LMO3: variants seen among roughly 807,000 people sequenced by gnomAD.
The protein encoded by LMO3 is LIM domain only 3, also known as LIM domain only protein 3.
Under a neutral mutation model 15.8 loss-of-function variants are expected in LMO3, and 2 were observed. The ratio of observed to expected loss-of-function variants is 0.13; its 90% CI spans 0.05 to 0.40. The LOEUF is 0.40. Ranked by LOEUF, LMO3 falls within the 10% of genes least tolerant of loss-of-function variation. The pLI is 0.99. For synonymous variants in LMO3, 62 were observed against 63.8 expected (o/e 0.97, Z 0.13); for missense variants, 86 against 182.2 (o/e 0.47, Z 3.04).
Position 16,591,969 on chromosome 12 carries a change from T to C in LMO3, c.206+8686A>G, listed in dbSNP as rs140328033. On this transcript the variant is annotated intron_variant, in intron 2 of 3. Transcript: ENST00000537304. The surrounding 1 kb of genome is among the most constrained non-coding windows in gnomAD (Gnocchi z 4.1). ...TTGGAGTGAAACTCTTTATATATTCTACTTAGTTATTTGACAATAATAGTG... is the reference window on the plus strand; with the variant it reads ...TTGGAGTGAAACTCTTTATATATTCCACTTAGTTATTTGACAATAATAGTG... Among the ~76,000 whole-genome samples the C allele has an allele frequency of 7.3e-3, 1,110 of 152,188 alleles. 9 individuals are homozygous for C. Among genetic ancestry groups the C allele is most frequent in the African/African-American group, 0.025 (1,024 of 41,550 alleles).
In LMO3 at chr12:16,586,887, C is replaced by T. The variant is rs989596465; in HGVS notation, c.206+13768G>A. On this transcript the variant is annotated intron_variant, in intron 2 of 3. Transcript: ENST00000537304. This position sits in a 1 kb window ranked among gnomAD's most constrained non-coding sequence, Gnocchi z 4.3. ...TTTAAAATGGTAAAATTAGACAATA[C>T]GTCTCATCTAAATTCATGGAATTCT... is the stretch of plus-strand genomic sequence containing the variant. Among the ~76,000 whole-genome samples, 2 of 152,126 alleles carry T rather than the reference C, an allele frequency of 1.3e-5. No homozygotes were observed. The highest frequency in any genetic ancestry group is 2.4e-5 in the African/African-American group (1 of 41,416).
chr12:16,566,821 C>A (rs1222393768), intron 2 of LMO3, among the ~76,000 whole-genome samples: 2 of 152,106 alleles, frequency 1.3e-5, no homozygotes, highest in East Asian at 3.8e-4. Flanking sequence ...CATGCACATA[C>A]ACACATAATA....
At chr12:16,574,729 C>A (rs901756189) in intron 2 of LMO3, among the ~76,000 whole-genome samples, 3 of 152,096 alleles carry the variant, frequency 2.0e-5, no homozygotes, top group Non-Finnish European at 2.9e-5. Context: ...GATTTATCGG[C>A]CATTAGAAAA....
intron 3 of LMO3, among the ~76,000 whole-genome samples, chr12:16,553,474 A>AGAGC (rs1411501192): frequency 6.6e-6 from 1 of 152,222 alleles, no homozygotes; most frequent in Non-Finnish European, 1.5e-5. Flanking sequence ...CAACAGAGGC[A>AGAGC]GAGCGAGAGA....
intron 2 of LMO3, among the ~76,000 whole-genome samples, chr12:16,595,676 G>A (rs1431663749): frequency 6.6e-6 from 1 of 151,298 alleles, no homozygotes; most frequent in Non-Finnish European, 1.5e-5. Context: ...CAGTATTTTT[G>A]TAACAGATAT....
chr12:16,592,074 A>T (rs1943510722), intron 2 of LMO3, among the ~76,000 whole-genome samples: 1 of 152,066 alleles, frequency 6.6e-6, no homozygotes, highest in Non-Finnish European at 1.5e-5. Flanking sequence ...TGGATAGCTT[A>T]TTCTTCACAA....
chr12:16,590,019 G>T (rs1005178402), intron 2 of LMO3, among the ~76,000 whole-genome samples: 2 of 152,008 alleles, frequency 1.3e-5, no homozygotes, highest in African/African-American at 2.4e-5. Context: ...AAGATTCAAA[G>T]CACATTTGCA....
intron 1 of LMO3, chr12:16,605,109 C>A (rs978559025): frequency 1.4e-6 from 2 of 1,434,816 alleles, no homozygotes; most frequent in Middle Eastern, 2.5e-4. Context: ...ACAGGGCGCA[C>A]ACACGGAGCC....
chr12:16,600,990 T>C, intron 1 of LMO3, 122 bp from the exon 2 acceptor site: 1 of 731,294 alleles, frequency 1.4e-6, no homozygotes, highest in East Asian at 2.7e-5. Flanking sequence ...TGTTTAGGGC[T>C]ATACTGAAAT....
At position 16,599,740 on chromosome 12, in the gene LMO3, T is replaced by C. The variant is rs1362617140; in HGVS notation, c.206+915A>G. The C allele has an allele frequency of 6.6e-6, 1 of 152,098 alleles. No homozygotes were observed. Among genetic ancestry groups the C allele is most frequent in the African/African-American group, 2.4e-5 (1 of 41,414 alleles). 9.4% of individuals were successfully genotyped at this position (152,098 alleles called of 1,614,324 possible). A position where few individuals can be genotyped will look rare whatever the true frequency, so the allele number is the denominator to read the frequency against. Reference sequence around the variant, plus strand: ...AAAGTTGCCTGAAAAGCAAAATAATTTTCCTTCAGCAGAAATTCTGTGTTG... The same window carrying C: ...AAAGTTGCCTGAAAAGCAAAATAATCTTCCTTCAGCAGAAATTCTGTGTTG... On this transcript the variant is annotated intron_variant, in intron 2 of 3. Coordinates refer to ENST00000537304, the MANE Select transcript of LMO3 (RefSeq NM_018640.5). This position sits in a 1 kb window ranked among gnomAD's most constrained non-coding sequence, Gnocchi z 4.1.
intron 2 of LMO3, among the ~76,000 whole-genome samples, chr12:16,579,119 C>T (rs2137519592): frequency 6.6e-6 from 1 of 152,092 alleles, no homozygotes; most frequent in Middle Eastern, 3.4e-3. Flanking sequence ...CATAAACTTC[C>T]ACAGGGATTT....
intron 1 of LMO3, chr12:16,605,737 G>A (rs1943972862): frequency 6.5e-7 from 1 of 1,532,466 alleles, no homozygotes; most frequent in African/African-American, 1.4e-5. Flanking sequence ...AGTTCATGGT[G>A]AACTTTGACT....
At chr12:16,554,406 T>A (rs1942107879) in intron 3 of LMO3, among the ~76,000 whole-genome samples, 3 of 152,224 alleles carry the variant, frequency 2.0e-5, no homozygotes, top group African/African-American at 7.2e-5. Context: ...TATACTTTCC[T>A]ATTCCACATC....
intron 2 of LMO3, among the ~76,000 whole-genome samples, chr12:16,571,131 T>C (rs1033414765): frequency 1.3e-5 from 2 of 152,142 alleles, no homozygotes; most frequent in Non-Finnish European, 2.9e-5. Flanking sequence ...TAACTACTAA[T>C]GTTTTCTTTT....
chr12:16,558,467 T>A (rs1942272181), intron 3 of LMO3, among the ~76,000 whole-genome samples: 1 of 152,112 alleles, frequency 6.6e-6, no homozygotes, highest in African/African-American at 2.4e-5. Flanking sequence ...CTAAGACACC[T>A]TTAAAATGTA....
chr12:16,589,667 CCAAG>C lies in LMO3; in HGVS notation c.206+10984_206+10987del, dbSNP rs1464884149. Reference sequence around the variant, plus strand: ...AAGATTATTTCAGATTATTTAAACACCAAGCAAACTATCAGGTCAAGATCAAGCA... The same window carrying C: ...AAGATTATTTCAGATTATTTAAACACCAAACTATCAGGTCAAGATCAAGCA... On this transcript the variant is annotated intron_variant, in intron 2 of 3. Transcript: ENST00000537304. The surrounding 1 kb of genome is among the most constrained non-coding windows in gnomAD (Gnocchi z 4.2). 26 of 151,942 alleles carry C rather than the reference CCAAG, an allele frequency of 1.7e-4. No homozygotes were observed. The highest frequency in any genetic ancestry group is 6.3e-4 in the African/African-American group (26 of 41,368). 9.4% of individuals were successfully genotyped at this position (151,942 alleles called of 1,614,324 possible).
intron 2 of LMO3, among the ~76,000 whole-genome samples, chr12:16,595,551 G>A (rs565343180): frequency 2.6e-5 from 4 of 151,164 alleles, no homozygotes; most frequent in African/African-American, 7.3e-5. Flanking sequence ...TAGTATAAAC[G>A]CTAAAATATT....
chr12:16,553,682 G>A (rs190899923), intron 3 of LMO3, among the ~76,000 whole-genome samples: 5 of 152,130 alleles, frequency 3.3e-5, no homozygotes, highest in Non-Finnish European at 2.9e-5. Flanking sequence ...AGCAGATTAC[G>A]ACTGGTATGC....
rs770281652 is a variant in LMO3, at chr12:16,551,213, G to GTTGA, written c.*5_*8dup. ...TGCTTTGTATTCTTAATGGGGTGAT[G>GTTGA]TTGATAGATCAGCGAACCTGGGGTG... On this transcript the variant is annotated 3_prime_UTR_variant, in exon 4 of 4. Coordinates refer to ENST00000537304, the MANE Select transcript of LMO3 (RefSeq NM_018640.5). 18 of 1,529,540 alleles carry GTTGA rather than the reference G, an allele frequency of 1.2e-5. No homozygotes were observed. In the East Asian group the frequency reaches 3.8e-4, roughly 33 times the overall value. 94.7% of individuals were successfully genotyped at this position (1,529,540 alleles called of 1,614,324 possible).
Sources: gnomAD v4.1 joint callset for allele counts (sites outside exome capture counted in the v4.1 genomes callset) on GRCh38, gnomAD v4.1.1 for gene constraint, Gnocchi (gnomAD v3.1) non-coding constraint, MANE v1.5 for transcripts, NCBI Gene and HGNC (gene_info 2026-07-23, HGNC 2026-07-21) for gene names.